The following IGSF11 variants were observed in gnomAD, a reference collection of about 807,000 sequenced individuals.
IGSF11 encodes the protein immunoglobulin superfamily member 11.
Under a neutral mutation model 41.0 loss-of-function variants are expected in IGSF11, and 22 were observed. The observed-to-expected ratio is 0.54, with a 90% confidence interval of 0.38 to 0.77. The LOEUF (loss-of-function observed/expected upper bound fraction) is 0.77, where lower values mean the gene tolerates loss of function less well. IGSF11 is among the 30% of genes least tolerant of loss of function. IGSF11 has a pLI of 0.00. For synonymous variants in IGSF11, 219 were observed against 201.3 expected (o/e 1.09, Z -0.74); for missense variants, 444 against 530.8 (o/e 0.84, Z 1.61).
At chr3:118,969,652 G>A (rs1933150202) in intron 1 of IGSF11, among the ~76,000 whole-genome samples, 1 of 152,184 alleles carries the variant, frequency 6.6e-6, no homozygotes, top group Admixed American at 6.5e-5. Context: ...GTTTATTTCT[G>A]TACAACTGAA....
intron 1 of IGSF11, among the ~76,000 whole-genome samples, chr3:118,994,566 G>A (rs1323690751): frequency 6.6e-6 from 1 of 152,160 alleles, no homozygotes; most frequent in Non-Finnish European, 1.5e-5. Flanking sequence ...GCTGAGATGG[G>A]AGGATCACTT....
At chr3:119,144,713 A>T (rs1405822558) in intron 1 of IGSF11, among the ~76,000 whole-genome samples, 1 of 152,198 alleles carries the variant, frequency 6.6e-6, no homozygotes, top group Admixed American at 6.5e-5. Flanking sequence ...AAATTGATAA[A>T]TCATCATTTT....
intron 1 of IGSF11, among the ~76,000 whole-genome samples, chr3:119,048,372 C>T (rs556817540): frequency 6.6e-6 from 1 of 152,138 alleles, no homozygotes; most frequent in African/African-American, 2.4e-5. Flanking sequence ...ACAAACACCT[C>T]TACGCAAATA....
At chr3:119,130,471 A>C (rs1315723165) in intron 1 of IGSF11, among the ~76,000 whole-genome samples, 1 of 152,162 alleles carries the variant, frequency 6.6e-6, no homozygotes, top group Admixed American at 6.5e-5. Context: ...CAGCAGTCTG[A>C]GATGGAATTG....
chr3:119,000,277 T>C (rs148142896), intron 1 of IGSF11, among the ~76,000 whole-genome samples: 3,732 of 150,422 alleles, frequency 0.025, 114 homozygotes, highest in African/African-American at 0.087. Context: ...TCTAATCTTA[T>C]AGCTTTTAAT....
chr3:119,102,686 G>A (rs1357812683), intron 1 of IGSF11, among the ~76,000 whole-genome samples: 2 of 151,736 alleles, frequency 1.3e-5, no homozygotes, highest in Non-Finnish European at 2.9e-5. Context: ...AATTATTTTT[G>A]TCCCTAATAC....
At chr3:118,940,448 A>C (rs978560038) in intron 1 of IGSF11, among the ~76,000 whole-genome samples, 2 of 152,136 alleles carry the variant, frequency 1.3e-5, no homozygotes, top group Non-Finnish European at 2.9e-5. Context: ...CAAAACATGA[A>C]ATACTTAGGG....
chr3:118,954,375 T>C (rs994127815), intron 1 of IGSF11, among the ~76,000 whole-genome samples: 14 of 152,134 alleles, frequency 9.2e-5, no homozygotes, highest in Admixed American at 8.5e-4. Context: ...TTAGCCTTGT[T>C]TGGCTATGAA....
At chr3:119,081,016 C>G (rs1266887233) in intron 1 of IGSF11, among the ~76,000 whole-genome samples, 2 of 151,786 alleles carry the variant, frequency 1.3e-5, no homozygotes, top group African/African-American at 4.8e-5. Context: ...ATTGGTACCT[C>G]TCAGTAACTT....
chr3:118,916,234 A>G (rs909574792), intron 4 of IGSF11, among the ~76,000 whole-genome samples: 4 of 151,578 alleles, frequency 2.6e-5, no homozygotes, highest in African/African-American at 9.7e-5. Flanking sequence ...TCATAATGAC[A>G]GGATCAAATT....
intron 1 of IGSF11, among the ~76,000 whole-genome samples, chr3:119,096,044 T>G (rs1317272057): frequency 6.7e-6 from 1 of 149,488 alleles, no homozygotes; most frequent in Non-Finnish European, 1.5e-5. Flanking sequence ...GGATGAAAAC[T>G]GTTTTATTTA....
intron 1 of IGSF11, among the ~76,000 whole-genome samples, chr3:119,125,419 T>C (rs2077390876): frequency 6.6e-6 from 1 of 152,086 alleles, no homozygotes. Flanking sequence ...AGGTTTCAGA[T>C]AGGCAGTGGA....
At chr3:118,919,404 A>C (rs1229582908) in intron 4 of IGSF11, among the ~76,000 whole-genome samples, 1 of 98,104 alleles carries the variant, frequency 1.0e-5, no homozygotes, top group African/African-American at 4.7e-5. Flanking sequence ...AACTCAAACA[A>C]ATTTACAAGA....
chr3:119,037,784 ATAAT>A (rs1940970825), upstream of IGSF11, among the ~76,000 whole-genome samples: 1 of 152,354 alleles, frequency 6.6e-6, no homozygotes, highest in South Asian at 2.1e-4. Flanking sequence ...TAGGAGGAAC[ATAAT>A]TAAGAAAGAA....
intron 1 of IGSF11, among the ~76,000 whole-genome samples, chr3:119,119,774 G>T (rs1043560446): frequency 1.3e-5 from 2 of 152,110 alleles, no homozygotes; most frequent in African/African-American, 4.8e-5. Context: ...TGGGGGAGGG[G>T]GGTTATCCTC....
chr3:118,975,303 T>C (rs1468379942), intron 1 of IGSF11, among the ~76,000 whole-genome samples: 1 of 151,556 alleles, frequency 6.6e-6, no homozygotes, highest in Non-Finnish European at 1.5e-5. Context: ...TTAAAAAAAT[T>C]TACTCATTTC....
At chr3:119,094,467 T>C (rs940303532) in intron 1 of IGSF11, among the ~76,000 whole-genome samples, 1 of 151,782 alleles carries the variant, frequency 6.6e-6, no homozygotes, top group Admixed American at 6.6e-5. Context: ...CTGACAGATG[T>C]AACAACAGAA....
chr3:119,079,223 G>GTAATTTTTTACC (rs1406437515), intron 1 of IGSF11, among the ~76,000 whole-genome samples: 1 of 152,116 alleles, frequency 6.6e-6, no homozygotes, highest in East Asian at 1.9e-4. Context: ...GCCGGGTGTG[G>GTAATTTTTTACC]TGGTGGGTGC....
At chr3:118,937,334 T>C (rs923891129) in intron 1 of IGSF11, among the ~76,000 whole-genome samples, 1 of 152,344 alleles carries the variant, frequency 6.6e-6, no homozygotes, top group East Asian at 1.9e-4. Flanking sequence ...AAATAAAAAT[T>C]GTACACTATC....
Sources: gnomAD v4.1 joint callset for allele counts (sites outside exome capture counted in the v4.1 genomes callset) on GRCh38, gnomAD v4.1.1 for gene constraint, MANE v1.5 for transcripts, NCBI Gene and HGNC (gene_info 2026-07-23, HGNC 2026-07-21) for gene names.